PTPN4: variants seen among roughly 807,000 people sequenced by gnomAD.
PTPN4 encodes the protein protein tyrosine phosphatase non-receptor type 4.
PTPN4 carries 49 observed loss-of-function variants against 135.5 expected under a neutral mutation model. The observed-to-expected ratio is 0.36, with a 90% CI of 0.29 to 0.46. The LOEUF is 0.46. Ranked by LOEUF, PTPN4 falls within the 20% of genes least tolerant of loss-of-function variation. The probability of loss-of-function intolerance (pLI) is 1.00; values close to 1 mark genes in which losing one functional copy is unlikely to be tolerated. For synonymous variants in PTPN4, 333 were observed against 369.9 expected, an observed-to-expected ratio of 0.90 and a Z score of 1.14; for missense variants, 860 against 1,101.0, an observed-to-expected ratio of 0.78 and a Z score of 3.10.
At chr2:119,836,454 G>T (rs985846731) in intron 2 of PTPN4, among the ~76,000 whole-genome samples, 2 of 152,212 alleles carry the variant, frequency 1.3e-5, no homozygotes, top group Admixed American at 6.5e-5. Context: ...CTTAGTGATG[G>T]CAGTGGCAGC....
intron 13 of PTPN4, among the ~76,000 whole-genome samples, chr2:119,927,332 A>G (rs796916989): frequency 2.0e-5 from 3 of 146,960 alleles, no homozygotes; most frequent in African/African-American, 7.5e-5. Context: ...GCTAGTCTCG[A>G]ACTCGTGACC....
At chr2:119,957,958 T>A (rs1025405567) in intron 22 of PTPN4, among the ~76,000 whole-genome samples, 1 of 152,192 alleles carries the variant, frequency 6.6e-6, no homozygotes, top group Non-Finnish European at 1.5e-5. Flanking sequence ...GGAGGTTTTT[T>A]AAGCTTAGAT....
intron 2 of PTPN4, among the ~76,000 whole-genome samples, chr2:119,841,993 T>G (rs1003337834): frequency 2.0e-5 from 3 of 152,210 alleles, no homozygotes; most frequent in Admixed American, 6.5e-5. Flanking sequence ...CATACCAGGT[T>G]AGTTCATGGA....
chr2:119,882,612 TCAG>T lies in PTPN4; in HGVS notation c.579_581del (p.Gln194del). ...TTGAAAAAGAAATTGCAAAATTACA[TCAG>T]CAACACATGTAAGAGTTTTTTAGTT... On this transcript the variant is annotated inframe_deletion, in exon 8 of 27. Coordinates refer to ENST00000263708, the MANE Select transcript of PTPN4 (RefSeq NM_002830.4). 6.5e-7 allele frequency: 1 copy of T among 1,536,776 alleles called. No individual in the cohort carries two copies. Among genetic ancestry groups the T allele is most frequent in the Non-Finnish European group, 8.9e-7 (1 of 1,128,066 alleles).
At chr2:119,910,963 CAAATT>C (rs1678562767) in intron 10 of PTPN4, among the ~76,000 whole-genome samples, 1 of 151,956 alleles carries the variant, frequency 6.6e-6, no homozygotes, top group Non-Finnish European at 1.5e-5. Context: ...TTGAAAGACA[CAAATT>C]AAAAAATGAC....
intron 5 of PTPN4, among the ~76,000 whole-genome samples, chr2:119,881,323 A>C (rs1200605260): frequency 6.6e-6 from 1 of 152,242 alleles, no homozygotes; most frequent in East Asian, 1.9e-4. Flanking sequence ...GCTTCCTGCC[A>C]TCTGATGATA....
chr2:119,790,364 A>G (rs75559751), intron 1 of PTPN4, among the ~76,000 whole-genome samples: 3,527 of 151,958 alleles, frequency 0.023, 127 homozygotes, highest in African/African-American at 0.077. Flanking sequence ...TTCTTGCTAG[A>G]TGTATTTTGG....
intron 2 of PTPN4, among the ~76,000 whole-genome samples, chr2:119,844,599 C>T (rs987986631): frequency 4.6e-5 from 7 of 150,600 alleles, no homozygotes; most frequent in African/African-American, 1.7e-4. Flanking sequence ...CAGAGGCGCT[C>T]CTCACATCCC....
chr2:119,823,485 G>A (rs933429595), intron 2 of PTPN4, among the ~76,000 whole-genome samples: 5 of 152,072 alleles, frequency 3.3e-5, no homozygotes, highest in African/African-American at 9.7e-5. Flanking sequence ...CACCCGCCTC[G>A]GCCTCCTAAA....
chr2:119,867,451 A>G (rs1677849524), intron 3 of PTPN4, among the ~76,000 whole-genome samples: 1 of 152,200 alleles, frequency 6.6e-6, no homozygotes. Context: ...GGGTAAATCA[A>G]GGTTACTACT....
intron 20 of PTPN4, among the ~76,000 whole-genome samples, chr2:119,955,947 TAAA>T (rs1437497334): frequency 1.2e-4 from 2 of 16,174 alleles, no homozygotes; most frequent in East Asian, 0.04. Context: ...AAAAAAATAA[TAAA>T]TAAATAAATA....
intron 15 of PTPN4, among the ~76,000 whole-genome samples, chr2:119,936,829 C>A (rs1678991480): frequency 6.6e-6 from 1 of 152,084 alleles, no homozygotes; most frequent in South Asian, 2.1e-4. Context: ...ATGCTTGGAG[C>A]CTTCTCCTTG....
intron 12 of PTPN4, among the ~76,000 whole-genome samples, chr2:119,924,262 T>TA (rs1678783167): frequency 6.6e-6 from 1 of 152,108 alleles, no homozygotes; most frequent in African/African-American, 2.4e-5. Context: ...TCCTTTTTTT[T>TA]AATATGAATG....
At chr2:119,798,955 AT>A (rs1691313058) in intron 1 of PTPN4, among the ~76,000 whole-genome samples, 1 of 152,190 alleles carries the variant, frequency 6.6e-6, no homozygotes, top group African/African-American at 2.4e-5. Flanking sequence ...CTGTTGATAT[AT>A]CGTTATGATT....
intron 11 of PTPN4, chr2:119,915,460 T>A (rs886600230): frequency 6.5e-6 from 2 of 306,460 alleles, no homozygotes; most frequent in Non-Finnish European, 1.2e-5. Flanking sequence ...TTCCTCTTGC[T>A]GTTTCTCGAG....
chr2:119,854,959 G>T (rs910433923), intron 2 of PTPN4, among the ~76,000 whole-genome samples: 2 of 152,194 alleles, frequency 1.3e-5, no homozygotes, highest in African/African-American at 4.8e-5. Flanking sequence ...GACACCTAAG[G>T]CCTGTCTATT....
chr2:119,960,713 T>G, intron 22 of PTPN4, 94 bp from the exon 23 acceptor site: 2 of 1,202,264 alleles, frequency 1.7e-6, no homozygotes, highest in Non-Finnish European at 2.3e-6. Context: ...AGGTTAGTTG[T>G]ATTCACTATA....
rs1176495570 is a variant in PTPN4, at chr2:119,834,548, C to T, written c.138+24557C>T. ...AGTTGGTATTTTAAAATAAGCTATA[C>T]AAAGCAATTGTATATTGTTGGCTGA... is the stretch of plus-strand genomic sequence containing the variant. On this transcript the variant is annotated intron_variant, in intron 2 of 26. Coordinates refer to ENST00000263708, the MANE Select transcript of PTPN4 (RefSeq NM_002830.4). Among the ~76,000 whole-genome samples the T allele has an allele frequency of 2.6e-5, 4 of 152,144 alleles. No homozygotes were observed. In the East Asian group the frequency reaches 7.7e-4, roughly 29 times the overall value.
chr2:119,796,601 A>C (rs1691265147), intron 1 of PTPN4, among the ~76,000 whole-genome samples: 1 of 152,198 alleles, frequency 6.6e-6, no homozygotes. Flanking sequence ...TCACATATGA[A>C]TAAACTAATT....
Sources: allele counts gnomAD v4.1 joint callset (sites outside exome capture counted in the v4.1 genomes callset), GRCh38; gene constraint gnomAD v4.1.1; transcripts MANE v1.5; gene names NCBI Gene and HGNC (gene_info 2026-07-23, HGNC 2026-07-21).